Variants in ERC1 observed in about 807,000 individuals in gnomAD.
ERC1 encodes RAB6 interacting protein 2.
A neutral mutation model predicts 132.0 loss-of-function variants in ERC1; 56 were observed. That is an observed-to-expected ratio of 0.42 (90% confidence interval 0.34 to 0.53). ERC1 has a LOEUF of 0.53. ERC1 is among the 20% of genes least tolerant of loss of function. The probability of loss-of-function intolerance (pLI) is 0.03; values close to 1 mark genes in which losing one functional copy is unlikely to be tolerated. For synonymous variants in ERC1, 478 were observed against 476.1 expected (o/e 1.00, Z -0.05); for missense variants, 1,202 against 1,349.9 (o/e 0.89, Z 1.72).
At chr12:1,389,601 T>C (rs763370359) in intron 16 of ERC1, among the ~76,000 whole-genome samples, 1 of 152,214 alleles carries the variant, frequency 6.6e-6, no homozygotes, top group Non-Finnish European at 1.5e-5. Context: ...CTTACATGTG[T>C]TGAAAATGCT....
chr12:1,412,785 A>G (rs1339084162), intron 17 of ERC1, among the ~76,000 whole-genome samples: 2 of 152,226 alleles, frequency 1.3e-5, no homozygotes. Flanking sequence ...ATAAGTTGAT[A>G]GCTGTAGAAT....
intron 2 of ERC1, among the ~76,000 whole-genome samples, chr12:1,049,642 A>G (rs890141931): frequency 6.6e-6 from 1 of 152,208 alleles, no homozygotes; most frequent in Admixed American, 6.5e-5. Context: ...ACCATGCCAC[A>G]ATATATAAAC....
At chr12:1,166,227 A>G (rs111860437) in intron 8 of ERC1, among the ~76,000 whole-genome samples, 5,265 of 152,100 alleles carry the variant, frequency 0.035, 275 homozygotes, top group African/African-American at 0.12. Context: ...GCATCATGGG[A>G]TGGGTCTTTC....
intron 1 of ERC1, chr12:1,020,776 A>C (rs1049530089): frequency 3.9e-5 from 6 of 152,230 alleles, no homozygotes; most frequent in African/African-American, 1.4e-4. Flanking sequence ...GTCTTTTAAG[A>C]GTTAGTCATG....
At chr12:1,429,326 G>T (rs1190195673) in intron 17 of ERC1, among the ~76,000 whole-genome samples, 1 of 152,156 alleles carries the variant, frequency 6.6e-6, no homozygotes, top group Non-Finnish European at 1.5e-5. Flanking sequence ...TCATTTTGTT[G>T]TTGGGTCACT....
At chr12:1,106,786 T>G (rs965705037) in intron 4 of ERC1, among the ~76,000 whole-genome samples, 3 of 152,202 alleles carry the variant, frequency 2.0e-5, no homozygotes, top group African/African-American at 7.2e-5. Flanking sequence ...TTTGTTTAAC[T>G]GCCTTTTGAC....
intron 15 of ERC1, among the ~76,000 whole-genome samples, chr12:1,318,143 T>C (rs917820732): frequency 4.6e-5 from 7 of 152,188 alleles, no homozygotes; most frequent in Non-Finnish European, 8.8e-5. Context: ...TCAAGGAATA[T>C]TGTAATTTGG....
intron 3 of ERC1, among the ~76,000 whole-genome samples, chr12:1,099,698 A>G (rs1315061866): frequency 6.6e-6 from 1 of 152,172 alleles, no homozygotes; most frequent in Non-Finnish European, 1.5e-5. Context: ...TTCCTGGGAT[A>G]GGAGAGACAA....
chr12:1,437,781 G>A (rs2092989171), intron 17 of ERC1, among the ~76,000 whole-genome samples: 2 of 152,192 alleles, frequency 1.3e-5, no homozygotes, highest in African/African-American at 4.8e-5. Flanking sequence ...GTTTGCTAGA[G>A]TGGTAATGCA....
chr12:1,241,464 G>A (rs2075786030), intron 13 of ERC1, among the ~76,000 whole-genome samples: 1 of 151,484 alleles, frequency 6.6e-6, no homozygotes, highest in South Asian at 2.1e-4. Context: ...AGATTTTGTT[G>A]TTTAAACATC....
chr12:1,074,930 G>A (rs1430749839), intron 2 of ERC1, among the ~76,000 whole-genome samples: 1 of 151,882 alleles, frequency 6.6e-6, no homozygotes, highest in Admixed American at 6.6e-5. Flanking sequence ...TTGAGTTCTA[G>A]TGCGGGTCTT....
intron 15 of ERC1, among the ~76,000 whole-genome samples, chr12:1,336,902 A>G (rs917641240): frequency 1.3e-5 from 2 of 152,018 alleles, no homozygotes; most frequent in African/African-American, 2.4e-5. Context: ...GGTTCAAGCA[A>G]TTCTCCTGCC....
chr12:1,443,672 C>T (rs139921899), intron 17 of ERC1: 1 of 152,438 alleles, frequency 6.6e-6, no homozygotes, highest in African/African-American at 2.4e-5. Context: ...TGGCCCCACT[C>T]TCTTCCTCAG....
intron 15 of ERC1, among the ~76,000 whole-genome samples, chr12:1,339,655 G>A (rs1019620012): frequency 6.6e-6 from 1 of 152,214 alleles, no homozygotes; most frequent in Non-Finnish European, 1.5e-5. Context: ...GGCAGAGGCA[G>A]CTCAGCCTGG....
At chr12:1,361,418 TA>T (rs146763448) in intron 15 of ERC1, among the ~76,000 whole-genome samples, 3,763 of 151,984 alleles carry the variant, frequency 0.025, 170 homozygotes, top group African/African-American at 0.087. Flanking sequence ...TAATTAAACA[TA>T]AAAAAATAAA....
intron 16 of ERC1, among the ~76,000 whole-genome samples, chr12:1,394,015 C>CAAAAAAAAAAAAAA (rs1216337061): frequency 3.7e-5 from 1 of 26,914 alleles, no homozygotes; most frequent in African/African-American, 1.8e-4. Context: ...GACTCCGTCT[C>CAAAAAAAAAAAAAA]AAAAAAAAAA....
intron 10 of ERC1, among the ~76,000 whole-genome samples, chr12:1,182,660 A>ATT (rs550078937): frequency 0.032 from 4,708 of 146,830 alleles, 232 homozygotes; most frequent in African/African-American, 0.11. Context: ...GAAAAATGTG[A>ATT]TTTTTTTTTT....
Position 1,495,091 on chromosome 12 carries a change from T to C in ERC1, c.*4861T>C, listed in dbSNP as rs1415327834. 2 of 229,496 alleles carry C rather than the reference T, an allele frequency of 8.7e-6. No individual in the cohort carries two copies. The highest frequency in any genetic ancestry group is 1.7e-5 in the Non-Finnish European group (2 of 115,798). 14.2% of individuals were successfully genotyped at this position (229,496 alleles called of 1,614,324 possible). ...AGAGGTTTCACAGTTTGTGACCCCATAACCACCCTCACCCGACGTGGGTTC... is the reference window on the plus strand; with the variant it reads ...AGAGGTTTCACAGTTTGTGACCCCACAACCACCCTCACCCGACGTGGGTTC... On this transcript the variant is annotated 3_prime_UTR_variant, in exon 19 of 19. Coordinates refer to ENST00000360905, the MANE Select transcript of ERC1 (RefSeq NM_178040.4).
In ERC1 at chr12:1,237,405, C is replaced by T. The variant is rs115279706; in HGVS notation, c.2487+501C>T. ...AGTCATACAGAATGTGACATATAAACTGTATTTTTTCACTTCAGTGGAGTG... is the reference window on the plus strand; with the variant it reads ...AGTCATACAGAATGTGACATATAAATTGTATTTTTTCACTTCAGTGGAGTG... On this transcript the variant is annotated intron_variant, in intron 13 of 18. Transcript: ENST00000360905. Among the ~76,000 whole-genome samples the T allele has an allele frequency of 9.6e-3, 1,455 of 152,144 alleles. 26 individuals carry two copies. Among genetic ancestry groups the T allele is most frequent in the African/African-American group, 0.033 (1,365 of 41,480 alleles).
Sources: gnomAD v4.1 joint callset for allele counts (sites outside exome capture counted in the v4.1 genomes callset) on GRCh38, gnomAD v4.1.1 for gene constraint, MANE v1.5 for transcripts, NCBI Gene and HGNC (gene_info 2026-07-23, HGNC 2026-07-21) for gene names.